ALK: variants seen among roughly 807,000 people sequenced by gnomAD.
ALK encodes ALK tyrosine kinase receptor.
In ALK, 74 loss-of-function variants were observed where a neutral mutation model predicts 163.1. That is an observed-to-expected ratio of 0.45 (90% CI 0.38 to 0.55). The LOEUF (loss-of-function observed/expected upper bound fraction) is 0.55, where lower values mean the gene tolerates loss of function less well. Among genes scored for constraint, ALK ranks in the 20% least tolerant of loss-of-function variants. The probability of loss-of-function intolerance (pLI) is 0.00; values close to 1 mark genes in which losing one functional copy is unlikely to be tolerated. For missense variants in ALK, 2,063 were observed against 2,105.3 expected (o/e 0.98, Z 0.39); for synonymous variants, 960 against 843.2 (o/e 1.14, Z -2.40).
intron 1 of ALK, among the ~76,000 whole-genome samples, chr2:29,824,657 G>A (rs1315121261): frequency 6.6e-6 from 1 of 152,130 alleles, no homozygotes; most frequent in Non-Finnish European, 1.5e-5. Flanking sequence ...CCTTTGTTTT[G>A]GTCAATTTCT....
At chr2:29,765,965 C>T (rs1680851256) in intron 1 of ALK, among the ~76,000 whole-genome samples, 1 of 152,150 alleles carries the variant, frequency 6.6e-6, no homozygotes, top group South Asian at 2.1e-4. Context: ...CAGTGCACCA[C>T]TGTAAAACTC....
chr2:29,244,932 C>G (rs1664618154), intron 12 of ALK, among the ~76,000 whole-genome samples: 1 of 152,278 alleles, frequency 6.6e-6, no homozygotes, highest in South Asian at 2.1e-4. Flanking sequence ...TCAGGCCTTT[C>G]TACCAGTCTA....
At chr2:29,783,061 T>A (rs553465559) in intron 1 of ALK, among the ~76,000 whole-genome samples, 2 of 152,364 alleles carry the variant, frequency 1.3e-5, no homozygotes, top group South Asian at 2.1e-4. Flanking sequence ...TCTGAGCCAG[T>A]GCAAGGCGTT....
At chr2:29,763,196 C>T (rs1297956120) in intron 1 of ALK, among the ~76,000 whole-genome samples, 1 of 152,004 alleles carries the variant, frequency 6.6e-6, no homozygotes, top group African/African-American at 2.4e-5. Context: ...AAACCTTTGC[C>T]AGACCTCAAT....
chr2:29,255,959 A>G (rs1159268458), intron 11 of ALK, among the ~76,000 whole-genome samples: 1 of 152,146 alleles, frequency 6.6e-6, no homozygotes, highest in Admixed American at 6.5e-5. Context: ...TCTTGCTTCA[A>G]GCAGGAAGAA....
intron 4 of ALK, among the ~76,000 whole-genome samples, chr2:29,506,833 G>C (rs1445528097): frequency 6.6e-6 from 1 of 152,132 alleles, no homozygotes; most frequent in Non-Finnish European, 1.5e-5. Flanking sequence ...ACTGGGGAAT[G>C]ACCCAGCTTG....
In ALK at chr2:29,786,627, T is replaced by G. The variant is rs143836315; in HGVS notation, c.668-68930A>C. On this transcript the variant is annotated intron_variant, in intron 1 of 28. Coordinates refer to ENST00000389048, the MANE Select transcript of ALK (RefSeq NM_004304.5). The stretch of plus-strand genomic sequence containing the variant: ...GGTGAGGCAAGGAAAAGGTGAATAA[T>G]GTAGTCCCCGACTGTAGGAGGTCAG... Among the ~76,000 whole-genome samples the G allele has an allele frequency of 5.6e-3, 856 of 152,300 alleles. 19 individuals are homozygous for G. Among genetic ancestry groups the G allele is most frequent in the Admixed American group, 0.04 (607 of 15,296 alleles).
chr2:29,912,086 A>T (rs1187930683), intron 1 of ALK, among the ~76,000 whole-genome samples: 1 of 152,200 alleles, frequency 6.6e-6, no homozygotes, highest in South Asian at 2.1e-4. Context: ...AAAGAGAAAA[A>T]TTTCAAAAAA....
intron 5 of ALK, among the ~76,000 whole-genome samples, chr2:29,340,093 C>A (rs1667745564): frequency 6.6e-6 from 1 of 152,168 alleles, no homozygotes; most frequent in Non-Finnish European, 1.5e-5. Context: ...CCAATAATTT[C>A]ATCTGTAATA....
At chr2:29,473,489 T>C (rs1671420711) in intron 4 of ALK, among the ~76,000 whole-genome samples, 1 of 152,174 alleles carries the variant, frequency 6.6e-6, no homozygotes, top group Non-Finnish European at 1.5e-5. Flanking sequence ...TCACAATGTA[T>C]ACATCTTAAG....
chr2:29,638,308 C>T (rs573617322), intron 3 of ALK, among the ~76,000 whole-genome samples: 1 of 152,290 alleles, frequency 6.6e-6, no homozygotes, highest in East Asian at 1.9e-4. Context: ...TACATCAACA[C>T]ATAGTAACTT....
chr2:29,762,855 G>C (rs2541182), intron 1 of ALK, among the ~76,000 whole-genome samples: 1 of 151,958 alleles, frequency 6.6e-6, no homozygotes, highest in African/African-American at 2.4e-5. Context: ...TTGAGAGGCC[G>C]AGGCGGGCGG....
chr2:29,407,143 G>A (rs573223815), intron 4 of ALK, among the ~76,000 whole-genome samples: 128 of 152,294 alleles, frequency 8.4e-4, no homozygotes, highest in South Asian at 3.9e-3. Context: ...CAGCAAACGT[G>A]TCTAACTGCC....
intron 4 of ALK, among the ~76,000 whole-genome samples, chr2:29,405,887 C>T (rs377744175): frequency 1.8e-4 from 27 of 152,272 alleles, no homozygotes; most frequent in African/African-American, 5.3e-4. Flanking sequence ...GAATGGATTT[C>T]GGCTGGTTTA....
chr2:29,443,720 A>G (rs2148084198), intron 4 of ALK, among the ~76,000 whole-genome samples: 1 of 152,338 alleles, frequency 6.6e-6, no homozygotes, highest in South Asian at 2.1e-4. Context: ...GGTTGTGGGC[A>G]TAAACTGAGA....
chr2:29,428,659 G>C (rs1670202275), intron 4 of ALK, among the ~76,000 whole-genome samples: 1 of 151,898 alleles, frequency 6.6e-6, no homozygotes, highest in Non-Finnish European at 1.5e-5. Context: ...CTTAGGCCCA[G>C]ATATCTTCAC....
chr2:29,458,014 C>A (rs933958375), intron 4 of ALK, among the ~76,000 whole-genome samples: 1 of 152,048 alleles, frequency 6.6e-6, no homozygotes, highest in Non-Finnish European at 1.5e-5. Context: ...TGAAAGCTTA[C>A]CGGTGTGCTT....
At chr2:29,560,064 G>C (rs965200459) in intron 3 of ALK, among the ~76,000 whole-genome samples, 1 of 152,104 alleles carries the variant, frequency 6.6e-6, no homozygotes, top group East Asian at 1.9e-4. Flanking sequence ...TAAGCATGTG[G>C]TTAACATATA....
At chr2:29,857,263 T>G (rs527350686) in intron 1 of ALK, among the ~76,000 whole-genome samples, 1 of 152,068 alleles carries the variant, frequency 6.6e-6, no homozygotes, top group Non-Finnish European at 1.5e-5. Context: ...GGTAGAAAAG[T>G]AGAGGATAGT....
Sources: allele counts gnomAD v4.1 joint callset (sites outside exome capture counted in the v4.1 genomes callset), GRCh38; gene constraint gnomAD v4.1.1; transcripts MANE v1.5; gene names NCBI Gene and HGNC (gene_info 2026-07-23, HGNC 2026-07-21).